Variants in MAP3K5 observed in about 807,000 individuals in gnomAD.
The protein encoded by MAP3K5 is ASK-1.
Under a neutral mutation model 158.7 loss-of-function variants are expected in MAP3K5, and 56 were observed. That is an observed-to-expected ratio of 0.35 (90% CI 0.28 to 0.44). The LOEUF is 0.44. Among genes scored for constraint, MAP3K5 ranks in the 20% least tolerant of loss-of-function variants. The probability of loss-of-function intolerance (pLI) is 1.00; values close to 1 mark genes in which losing one functional copy is unlikely to be tolerated. For synonymous variants in MAP3K5, 579 were observed against 601.7 expected (o/e 0.96, Z 0.55); for missense variants, 1,294 against 1,674.8 (o/e 0.77, Z 3.97).
Position 136,659,245 on chromosome 6 carries a change from C to T in MAP3K5, c.1500G>A (p.Lys500=). ...DHMRVIQASE[K]LFKLKTPAWY... ...ATGCTGGTGTCTTCAGTTTAAAAAG[C>T]TTTTCAGATGCTTGAATGACTCTCA... is the stretch of plus-strand genomic sequence containing the variant. The change falls in exon 9 of 30, where the codon AAG becomes AAA. Residue 500 remains lysine (K), a synonymous_variant. Coordinates refer to ENST00000359015, the MANE Select transcript of MAP3K5 (RefSeq NM_005923.4). 1 of 1,614,014 alleles carries T rather than the reference C, an allele frequency of 6.2e-7. No individual in the cohort carries two copies. Among genetic ancestry groups the T allele is most frequent in the South Asian group, 1.1e-5 (1 of 91,072 alleles).
chr6:136,720,381 T>A, intron 2 of MAP3K5, 69 bp downstream of exon 2: 6 of 1,381,532 alleles, frequency 4.3e-6, no homozygotes, highest in Middle Eastern at 1.9e-4. Context: ...CTTAAAATGT[T>A]TGGATGACAA....
chr6:136,740,536 C>A (rs1373129487), intron 1 of MAP3K5, among the ~76,000 whole-genome samples: 2 of 152,096 alleles, frequency 1.3e-5, no homozygotes, highest in Admixed American at 1.3e-4. Context: ...CTGGCTTAAA[C>A]CAGGTCGTCA....
At position 136,656,396 on chromosome 6, in the gene MAP3K5, G is replaced by T. The variant is rs1778749505; in HGVS notation, c.1591C>A (p.Gln531Lys). The T allele has an allele frequency of 6.2e-7, 1 of 1,610,792 alleles. No homozygotes were observed. The highest frequency in any genetic ancestry group is 1.1e-5 in the South Asian group (1 of 90,794). Residue 531 changes from glutamine to lysine, a missense_variant, in exon 10 of 30, where the codon CAG becomes AAG. Coordinates refer to ENST00000359015, the MANE Select transcript of MAP3K5 (RefSeq NM_005923.4). ...ACAAGTTCTTGCTTGGCCACAGGCT[G>T]TTCTGTGGTCAGTTTCACAAAATGC... ...YKHFVKLTTE[Q>K]PVAKQELVDF...
intron 7 of MAP3K5, among the ~76,000 whole-genome samples, chr6:136,681,212 C>T (rs2114593272): frequency 6.6e-6 from 1 of 152,126 alleles, no homozygotes; most frequent in East Asian, 1.9e-4. Flanking sequence ...AGTATAATGC[C>T]TGGCAAATAT....
chr6:136,692,288 G>A (rs966345578), intron 7 of MAP3K5, among the ~76,000 whole-genome samples: 1 of 152,036 alleles, frequency 6.6e-6, no homozygotes, highest in Non-Finnish European at 1.5e-5. Context: ...CCTCTTAAGA[G>A]TATGTAGTTT....
chr6:136,754,236 G>A (rs1783357304), intron 1 of MAP3K5, among the ~76,000 whole-genome samples: 1 of 150,210 alleles, frequency 6.7e-6, no homozygotes, highest in Non-Finnish European at 1.5e-5. Flanking sequence ...TTGTGCCACT[G>A]CTCCCCAGCC....
chr6:136,733,308 A>G (rs1372658685), intron 1 of MAP3K5, among the ~76,000 whole-genome samples: 1 of 152,152 alleles, frequency 6.6e-6, no homozygotes, highest in Non-Finnish European at 1.5e-5. Flanking sequence ...TCAAGCACAC[A>G]GCATTCGATG....
At chr6:136,673,711 A>G (rs1465332683) in intron 7 of MAP3K5, among the ~76,000 whole-genome samples, 5 of 89,604 alleles carry the variant, frequency 5.6e-5, no homozygotes, top group South Asian at 3.3e-4. Flanking sequence ...AGAGATATAG[A>G]AAAAAAAAAA....
chr6:136,711,600 AG>A (rs1781310532), intron 2 of MAP3K5, among the ~76,000 whole-genome samples: 1 of 151,838 alleles, frequency 6.6e-6, no homozygotes, highest in South Asian at 2.1e-4. Context: ...TGGGAGGTGG[AG>A]GTTGCACTGA....
chr6:136,694,790 C>T (rs541360965), intron 6 of MAP3K5, among the ~76,000 whole-genome samples: 2 of 152,286 alleles, frequency 1.3e-5, no homozygotes, highest in South Asian at 4.1e-4. Context: ...TTGATTTCTA[C>T]GTGTGACTAA....
At chr6:136,668,081 A>G (rs1330779152) in intron 8 of MAP3K5, among the ~76,000 whole-genome samples, 2 of 152,096 alleles carry the variant, frequency 1.3e-5, no homozygotes, top group Non-Finnish European at 2.9e-5. Flanking sequence ...AAGAAAAGTA[A>G]CAAGAAATTC....
chr6:136,757,702 T>C (rs1243103075), intron 1 of MAP3K5, among the ~76,000 whole-genome samples: 1 of 150,492 alleles, frequency 6.6e-6, no homozygotes, highest in African/African-American at 2.4e-5. Flanking sequence ...TTCTCCTACC[T>C]CAGCCTCACA....
intron 1 of MAP3K5, among the ~76,000 whole-genome samples, chr6:136,732,645 T>C (rs1782277880): frequency 6.6e-6 from 1 of 152,168 alleles, no homozygotes; most frequent in African/African-American, 2.4e-5. Flanking sequence ...TGCCTGAAAG[T>C]AGCACCACCT....
In MAP3K5 at chr6:136,696,050, T is replaced by C; in HGVS notation, c.983A>G (p.Asp328Gly). The C allele has an allele frequency of 6.3e-7, 1 of 1,594,134 alleles. No individual in the cohort carries two copies. Among genetic ancestry groups the C allele is most frequent in the Non-Finnish European group, 8.6e-7 (1 of 1,162,874 alleles). The change falls in exon 6 of 30, where the codon GAT becomes GGT. Residue 328 changes from aspartate (D) to glycine (G), a missense_variant. By Grantham distance (94) the Asp-to-Gly change is moderately conservative (BLOSUM62 -1). This residue lies in a region of MAP3K5 where 690 missense variants were observed against 870.5 expected (regional missense o/e 0.79). Transcript: ENST00000359015. The stretch of plus-strand genomic sequence containing the variant: ...AGTCTCTACCAGCTTCACAATAGAA[T>C]CATAGTCCTTTCAAATTAGATGAGA... Reference protein sequence around the residue: ...LLSYRDIQDYDSIVKLVETLE... With the variant: ...LLSYRDIQDYGSIVKLVETLE...
chr6:136,560,286 C>G (rs1830449610), intron 28 of MAP3K5, among the ~76,000 whole-genome samples: 1 of 151,970 alleles, frequency 6.6e-6, no homozygotes, highest in South Asian at 2.1e-4. Flanking sequence ...TCGAGACCAC[C>G]CTGGCCAATA....
chr6:136,672,006 CAT>C (rs1453301149), intron 7 of MAP3K5, among the ~76,000 whole-genome samples: 1 of 152,110 alleles, frequency 6.6e-6, no homozygotes, highest in East Asian at 1.9e-4. Context: ...AAACATTAAA[CAT>C]GTAATCAGAA....
intron 1 of MAP3K5, among the ~76,000 whole-genome samples, chr6:136,775,093 G>C (rs998511342): frequency 1.7e-4 from 26 of 152,024 alleles, no homozygotes; most frequent in Admixed American, 1.4e-3. Flanking sequence ...AGAGGGAATA[G>C]ATAGGGCTGC....
intron 15 of MAP3K5, among the ~76,000 whole-genome samples, chr6:136,616,051 AT>A (rs1776547744): frequency 6.6e-6 from 1 of 152,178 alleles, no homozygotes; most frequent in African/African-American, 2.4e-5. Flanking sequence ...TAGATCGATT[AT>A]TCTTTTTTTC....
chr6:136,741,663 T>A (rs576300794), intron 1 of MAP3K5, among the ~76,000 whole-genome samples: 218 of 151,854 alleles, frequency 1.4e-3, no homozygotes, highest in African/African-American at 4.9e-3. Flanking sequence ...GAGAAAAAAA[T>A]AAAAAGTATA....
Sources: allele counts gnomAD v4.1 joint callset (sites outside exome capture counted in the v4.1 genomes callset), GRCh38; gene constraint gnomAD v4.1.1; regional missense constraint gnomAD v4.1.1; transcripts MANE v1.5; gene names NCBI Gene and HGNC (gene_info 2026-07-23, HGNC 2026-07-21).